ESR1: variants seen among roughly 807,000 people sequenced by gnomAD.
ESR1 encodes estrogen receptor 1, also known as estrogen receptor.
Under a neutral mutation model 52.7 loss-of-function variants are expected in ESR1, and 12 were observed. The ratio of observed to expected loss-of-function variants is 0.23; its 90% confidence interval spans 0.15 to 0.37. The LOEUF (loss-of-function observed/expected upper bound fraction) is 0.37, where lower values mean the gene tolerates loss of function less well. Ranked by LOEUF, ESR1 falls within the 10% of genes least tolerant of loss-of-function variation. The pLI is 1.00. For missense variants in ESR1, 584 were observed against 779.7 expected (o/e 0.75, Z 2.99); for synonymous variants, 305 against 316.8 (o/e 0.96, Z 0.39).
intron 3 of ESR1, among the ~76,000 whole-genome samples, chr6:151,896,847 T>C (rs946435432): frequency 6.6e-6 from 1 of 152,188 alleles, no homozygotes; most frequent in Non-Finnish European, 1.5e-5. Flanking sequence ...TCGCATTGCT[T>C]TTGCTGTATC....
intron 2 of ESR1, among the ~76,000 whole-genome samples, chr6:151,843,945 A>G (rs188665628): frequency 6.6e-6 from 1 of 151,224 alleles, no homozygotes; most frequent in East Asian, 1.9e-4. Context: ...TCATATCTTA[A>G]TCGAGTAGCA....
intron 2 of ESR1, among the ~76,000 whole-genome samples, chr6:151,732,126 A>G (rs1782292045): frequency 6.6e-6 from 1 of 152,190 alleles, no homozygotes. Flanking sequence ...TAGAAATGAT[A>G]ATTTTTATAA....
chr6:151,776,873 G>C (rs1786046051), intron 2 of ESR1, among the ~76,000 whole-genome samples: 1 of 151,566 alleles, frequency 6.6e-6, no homozygotes, highest in South Asian at 2.1e-4. Flanking sequence ...AAGAAAAGAA[G>C]AGTGGCCACA....
At chr6:151,880,181 G>GTTTT (rs71017515) in intron 2 of ESR1, among the ~76,000 whole-genome samples, 4,085 of 116,274 alleles carry the variant, frequency 0.035, 285 homozygotes, top group Admixed American at 0.045. Flanking sequence ...TTTTTGTTCT[G>GTTTT]TTTTTTTTTT....
intron 4 of ESR1, among the ~76,000 whole-genome samples, chr6:151,954,935 G>C (rs182872026): frequency 2.0e-5 from 3 of 152,102 alleles, no homozygotes; most frequent in Non-Finnish European, 4.4e-5. Flanking sequence ...GACCAATGCC[G>C]CCTTTACATT....
intron 1 of ESR1, among the ~76,000 whole-genome samples, chr6:151,659,863 G>A (rs1335744019): frequency 6.6e-6 from 1 of 152,118 alleles, no homozygotes; most frequent in Non-Finnish European, 1.5e-5. Flanking sequence ...CAAATTAAGG[G>A]GGCAAAATGT....
chr6:152,109,874 C>T (rs2051111464), intron 6 of ESR1, among the ~76,000 whole-genome samples: 1 of 152,208 alleles, frequency 6.6e-6, no homozygotes, highest in Non-Finnish European at 1.5e-5. Flanking sequence ...GGAGACACCT[C>T]TGCATGGATC....
chr6:152,079,573 C>T (rs755966368), intron 6 of ESR1, among the ~76,000 whole-genome samples: 7 of 152,158 alleles, frequency 4.6e-5, no homozygotes, highest in African/African-American at 7.2e-5. Flanking sequence ...AAAACCAGAG[C>T]GCCTCTTCTG....
intron 4 of ESR1, among the ~76,000 whole-genome samples, chr6:151,976,981 A>G (rs2039499466): frequency 1.3e-5 from 2 of 152,128 alleles, no homozygotes; most frequent in South Asian, 4.1e-4. Flanking sequence ...TTATTTAGAG[A>G]CTTCTTTTGT....
chr6:152,034,881 G>C (rs916044698), intron 5 of ESR1, among the ~76,000 whole-genome samples: 1 of 152,182 alleles, frequency 6.6e-6, no homozygotes, highest in Non-Finnish European at 1.5e-5. Context: ...CTATCACATG[G>C]AACTTCAAAA....
intron 2 of ESR1, among the ~76,000 whole-genome samples, chr6:151,737,513 G>T (rs2128051583): frequency 6.6e-6 from 1 of 152,058 alleles, no homozygotes; most frequent in African/African-American, 2.4e-5. Flanking sequence ...TTTGCGATTT[G>T]CAAAAAGTTC....
chr6:152,096,193 C>A (rs1352357596), intron 7 of ESR1, among the ~76,000 whole-genome samples: 1 of 152,182 alleles, frequency 6.6e-6, no homozygotes, highest in Non-Finnish European at 1.5e-5. Flanking sequence ...AGTGGTATCA[C>A]TAAAAGGACA....
At chr6:152,090,563 C>T (rs554817264) in intron 6 of ESR1, among the ~76,000 whole-genome samples, 8 of 152,236 alleles carry the variant, frequency 5.3e-5, no homozygotes, top group Non-Finnish European at 1.2e-4. Context: ...ACTAGAGCTT[C>T]CTTCTGGGCA....
intron 6 of ESR1, among the ~76,000 whole-genome samples, chr6:152,090,306 G>T (rs1478954051): frequency 6.6e-6 from 1 of 152,188 alleles, no homozygotes; most frequent in Non-Finnish European, 1.5e-5. Context: ...TGTGACTTGA[G>T]GAATTTTCTT....
chr6:151,715,331 C>T (rs552532243), intron 2 of ESR1, among the ~76,000 whole-genome samples: 8 of 152,218 alleles, frequency 5.3e-5, no homozygotes, highest in East Asian at 1.9e-4. Context: ...TTGCTCTTCT[C>T]GAGAGTATCT....
intron 2 of ESR1, among the ~76,000 whole-genome samples, chr6:151,866,352 T>G (rs911338846): frequency 6.6e-6 from 1 of 152,150 alleles, no homozygotes; most frequent in Non-Finnish European, 1.5e-5. Flanking sequence ...TTTTGCTTAT[T>G]ATACTTTACG....
chr6:151,697,580 A>G (rs1292724547), intron 1 of ESR1, among the ~76,000 whole-genome samples: 1 of 152,256 alleles, frequency 6.6e-6, no homozygotes, highest in Non-Finnish European at 1.5e-5. Context: ...ATAGATGCAG[A>G]AGAAAATGAT....
intron 2 of ESR1, among the ~76,000 whole-genome samples, chr6:151,710,943 T>C (rs959421069): frequency 1.3e-5 from 2 of 152,208 alleles, no homozygotes; most frequent in African/African-American, 4.8e-5. Flanking sequence ...CTTAATCCAG[T>C]CTATCATTGA....
chr6:151,921,777 A>T (rs2031732224), intron 3 of ESR1, among the ~76,000 whole-genome samples: 1 of 152,064 alleles, frequency 6.6e-6, no homozygotes, highest in South Asian at 2.1e-4. Context: ...CAACTTTTTA[A>T]TAGGGTTGTT....
Sources: allele counts gnomAD v4.1 joint callset (sites outside exome capture counted in the v4.1 genomes callset), GRCh38; gene constraint gnomAD v4.1.1; transcripts MANE v1.5; gene names NCBI Gene and HGNC (gene_info 2026-07-23, HGNC 2026-07-21).